CRADD: variants seen among roughly 807,000 people sequenced by gnomAD.
The protein encoded by CRADD is CARD and death domain containing adaptor protein.
In CRADD, 9 loss-of-function variants were observed where a neutral mutation model predicts 15.5. That is an observed-to-expected ratio of 0.58 (90% CI 0.35 to 1.01). CRADD has a LOEUF of 1.01. Ranked by LOEUF, CRADD falls within the 50% of genes least tolerant of loss-of-function variation. The pLI, the probability that CRADD is intolerant of heterozygous loss-of-function variation, is 0.02. For missense variants in CRADD, 227 were observed against 250.3 expected (o/e 0.91, Z 0.63); for synonymous variants, 118 against 107.6 (o/e 1.10, Z -0.60).
chr12:93,788,012 G>A (rs1957299189), intron 2 of CRADD, among the ~76,000 whole-genome samples: 1 of 152,174 alleles, frequency 6.6e-6, no homozygotes, highest in Non-Finnish European at 1.5e-5. Context: ...GAAGTGGTAA[G>A]TCTCTTTATT....
chr12:93,771,948 T>G (rs867008196), intron 2 of CRADD, among the ~76,000 whole-genome samples: 33 of 152,358 alleles, frequency 2.2e-4, no homozygotes, highest in African/African-American at 7.7e-4. Flanking sequence ...GTGAAAGTTA[T>G]ACCATAGAAA....
chr12:93,680,199 GA>G (rs59272459), intron 2 of CRADD, among the ~76,000 whole-genome samples: 4 of 147,908 alleles, frequency 2.7e-5, no homozygotes, highest in African/African-American at 4.9e-5. Flanking sequence ...ATTAAAAATT[GA>G]AAAAAAAAAG....
At chr12:93,885,740 T>C (rs966380479) in intron 2 of CRADD, among the ~76,000 whole-genome samples, 1 of 152,178 alleles carries the variant, frequency 6.6e-6, no homozygotes, top group Non-Finnish European at 1.5e-5. Context: ...ATCCTAACTA[T>C]GAAAGATCTC....
intron 2 of CRADD, among the ~76,000 whole-genome samples, chr12:93,716,090 C>CCACTG (rs1489184283): frequency 1.3e-5 from 2 of 151,206 alleles, no homozygotes; most frequent in Non-Finnish European, 1.5e-5. Context: ...TGAGATTGTG[C>CCACTG]CACTGCACTC....
rs554346950 is a variant in CRADD at position 93,891,372 on chromosome 12, A to AGCTACTT, written c.299-2676_299-2670dup. 9.9e-5 allele frequency among the ~76,000 whole-genome samples: 15 copies of AGCTACTT among 152,268 alleles called. No individual in the cohort carries two copies. The East Asian group carries it at 2.9e-3, about 30-fold the overall frequency. ...CATGGTGGCACATACCTGTAATCCC[A>AGCTACTT]GCTACTTGAGAGGCTGAAGCACAAG... On this transcript the variant is annotated intron_variant, in intron 2 of 2. Coordinates refer to the CRADD transcript ENST00000548483.
At chr12:93,782,919 AT>A (rs907873809) in intron 2 of CRADD, among the ~76,000 whole-genome samples, 6 of 152,196 alleles carry the variant, frequency 3.9e-5, no homozygotes, top group Admixed American at 3.9e-4. Context: ...GAATGGTAAA[AT>A]ATAATAATTG....
At chr12:93,764,122 T>C (rs1360478706) in intron 2 of CRADD, among the ~76,000 whole-genome samples, 3 of 151,834 alleles carry the variant, frequency 2.0e-5, no homozygotes, top group East Asian at 3.9e-4. Context: ...AATCACATTA[T>C]GGTTTTAGGA....
At chr12:93,818,378 TA>T (rs994863000) in intron 2 of CRADD, among the ~76,000 whole-genome samples, 12 of 152,204 alleles carry the variant, frequency 7.9e-5, no homozygotes, top group African/African-American at 2.9e-4. Context: ...CCCCACTCCC[TA>T]GCCCCTTCCC....
chr12:93,854,300 C>T (rs1373599482), downstream of CRADD, among the ~76,000 whole-genome samples: 1 of 152,190 alleles, frequency 6.6e-6, no homozygotes, highest in Admixed American at 6.5e-5. Context: ...TTTCCTGGGG[C>T]AATGGGTCGT....
Position 93,726,857 on chromosome 12 carries a change from T to C in CRADD, c.298+47785T>C, listed in dbSNP as rs574740824. ...GGAATAGCACTGTTGTCAAAGACAT[T>C]GGAAGGTCTCTTGTAACTGAAAGAG... On this transcript the variant is annotated intron_variant, in intron 2 of 2. Transcript: ENST00000332896. 3.3e-5 allele frequency among the ~76,000 whole-genome samples: 5 copies of C among 152,280 alleles called. No homozygotes were observed. In the South Asian group the frequency reaches 8.3e-4, roughly 25 times the overall value.
intron 2 of CRADD, among the ~76,000 whole-genome samples, chr12:93,713,585 G>A (rs1956111551): frequency 6.6e-6 from 1 of 151,652 alleles, no homozygotes. Context: ...TAAATGCTTT[G>A]TAAATAGTTG....
chr12:93,840,560 C>CT lies in CRADD; in HGVS notation c.299-9398dup, dbSNP rs59758072. On this transcript the variant is annotated intron_variant, in intron 2 of 2. Coordinates refer to ENST00000332896, the MANE Select transcript of CRADD (RefSeq NM_003805.5). Reference sequence around the variant, plus strand: ...CTTATTATTTATAACTAACTAATTTCTTTTTTTTTTTTCTTCTTTTTTTGA... The same window carrying CT: ...CTTATTATTTATAACTAACTAATTTCTTTTTTTTTTTTTCTTCTTTTTTTGA... Among the ~76,000 whole-genome samples, 45 of 149,920 alleles carry CT rather than the reference C, an allele frequency of 3.0e-4. No individual in the cohort carries two copies. In the East Asian group the frequency reaches 7.1e-3, roughly 24 times the overall value.
intron 2 of CRADD, among the ~76,000 whole-genome samples, chr12:93,697,897 T>C (rs901756037): frequency 2.0e-5 from 3 of 152,150 alleles, no homozygotes; most frequent in African/African-American, 7.2e-5. Context: ...GAAATGGGAT[T>C]GGAAAAAGAA....
At chr12:93,894,793 C>T (rs1380572365), downstream of CRADD, 1 of 152,612 alleles carries the variant, frequency 6.6e-6, no homozygotes, top group African/African-American at 2.4e-5. Context: ...CGAGATGGCG[C>T]TGAGCACTCG....
At chr12:93,693,067 C>T (rs1395945840) in intron 2 of CRADD, among the ~76,000 whole-genome samples, 1 of 151,846 alleles carries the variant, frequency 6.6e-6, no homozygotes, top group Non-Finnish European at 1.5e-5. Flanking sequence ...TTCATGGTAA[C>T]CATAAAACAA....
intron 2 of CRADD, among the ~76,000 whole-genome samples, chr12:93,830,306 A>G (rs1002731827): frequency 4.6e-5 from 7 of 152,368 alleles, no homozygotes; most frequent in African/African-American, 1.7e-4. Flanking sequence ...TAGAGTAAGA[A>G]TTAGCCAGCT....
intron 2 of CRADD, among the ~76,000 whole-genome samples, chr12:93,765,809 AC>A (rs1324906924): frequency 1.3e-5 from 2 of 151,810 alleles, no homozygotes; most frequent in Non-Finnish European, 2.9e-5. Flanking sequence ...TTAGAAAAAA[AC>A]TAAGGGAAAA....
intron 2 of CRADD, among the ~76,000 whole-genome samples, chr12:93,833,042 G>A (rs1348657165): frequency 1.3e-5 from 2 of 152,172 alleles, no homozygotes; most frequent in African/African-American, 4.8e-5. Flanking sequence ...AATATTAGAA[G>A]CAGGGCCACA....
chr12:93,723,073 T>C (rs1041791009), intron 2 of CRADD, among the ~76,000 whole-genome samples: 15 of 152,240 alleles, frequency 9.9e-5, no homozygotes, highest in African/African-American at 3.4e-4. Flanking sequence ...ATGTTGCTTC[T>C]CACCTCCAAG....
Sources: allele counts gnomAD v4.1 joint callset (sites outside exome capture counted in the v4.1 genomes callset), GRCh38; gene constraint gnomAD v4.1.1; transcripts MANE v1.5; gene names NCBI Gene and HGNC (gene_info 2026-07-23, HGNC 2026-07-21).